TCEANC2: variants seen among roughly 807,000 people sequenced by gnomAD.
TCEANC2 encodes transcription elongation factor A N-terminal and central domain-containing protein 2.
In TCEANC2, 20 loss-of-function variants were observed where a neutral mutation model predicts 22.8. The observed-to-expected ratio is 0.88, with a 90% CI of 0.62 to 1.28. The LOEUF (loss-of-function observed/expected upper bound fraction) is 1.28, where lower values mean the gene tolerates loss of function less well. Ranked by LOEUF, TCEANC2 falls within the 50% of genes most tolerant of loss-of-function variation. TCEANC2 has a pLI of 0.00. For missense variants in TCEANC2, 251 were observed against 249.7 expected (o/e 1.01, Z -0.03); for synonymous variants, 84 against 95.5 (o/e 0.88, Z 0.70).
At chr1:54,055,360 A>G (rs1657732999) in intron 2 of TCEANC2, among the ~76,000 whole-genome samples, 1 of 152,248 alleles carries the variant, frequency 6.6e-6, no homozygotes, top group Non-Finnish European at 1.5e-5. Context: ...ATCAATCAAC[A>G]TAGTTACCCA....
In TCEANC2 at chr1:54,106,062, A is replaced by G. The variant is rs1323638026; in HGVS notation, c.*9589A>G. ...AATGAATGAATGTGGCTGTGTTCCA[A>G]TAAAACTTTATTTACAAAAACAGGT... is the stretch of plus-strand genomic sequence containing the variant. On this transcript the variant is annotated 3_prime_UTR_variant, in exon 5 of 5. Transcript: ENST00000234827. 2.0e-5 allele frequency: 3 copies of G among 152,224 alleles called. No homozygotes were observed. The highest frequency in any genetic ancestry group is 2.1e-4 in the South Asian group (1 of 4,830). The allele number at this position is 152,224 out of a possible 1,614,324, so 9.4% of individuals were successfully genotyped here.
At chr1:54,111,803 G>A (rs1658844655) in exon 5 of TCEANC2, 1 of 152,192 alleles carries the variant, frequency 6.6e-6, no homozygotes, top group South Asian at 2.1e-4. Context: ...ATCCCAGTCT[G>A]GACCGATTGG....
At chr1:54,106,981 T>C (rs943093348), downstream of TCEANC2, among the ~76,000 whole-genome samples, 1 of 152,232 alleles carries the variant, frequency 6.6e-6, no homozygotes, top group Non-Finnish European at 1.5e-5. Flanking sequence ...CTTACAATAG[T>C]GTGGTACATC....
chr1:54,096,790 A>G lies in TCEANC2; in HGVS notation c.*317A>G, dbSNP rs1360932376. ...CTGTGAATATGCCAAGGACACCTCT[A>G]AACTTCCCCCATGTCAGTCAGATGA... On this transcript the variant is annotated 3_prime_UTR_variant, in exon 5 of 5. Transcript: ENST00000234827. The surrounding 1 kb of genome is among the most constrained non-coding windows in gnomAD (Gnocchi z 4.9). The G allele has an allele frequency of 1.8e-5, 19 of 1,060,686 alleles. No homozygotes were observed. Among genetic ancestry groups the G allele is most frequent in the Non-Finnish European group, 2.2e-5 (19 of 877,888 alleles). The allele number at this position is 1,060,686 out of a possible 1,614,324, so 65.7% of individuals were successfully genotyped here. A position where few individuals can be genotyped will look rare whatever the true frequency, so the allele number is the denominator to read the frequency against.
At chr1:54,071,855 A>AGTGCAGT (rs1470900993) in intron 3 of TCEANC2, among the ~76,000 whole-genome samples, 3 of 151,744 alleles carry the variant, frequency 2.0e-5, no homozygotes, top group African/African-American at 7.3e-5. Context: ...TGTGTCACCC[A>AGTGCAGT]GGCTGAAGTG....
rs774452549 is a variant in TCEANC2, at chr1:54,104,817, C to T, written c.*8344C>T. ...TCAGCTTCCCAAAGTGCTGGGATTA[C>T]AGGCGTGAGCCACTGCGCCTGGCCC... On this transcript the variant is annotated 3_prime_UTR_variant, in exon 5 of 5. Transcript: ENST00000234827. 7.9e-6 allele frequency: 3 copies of T among 381,682 alleles called. No homozygotes were observed. Among genetic ancestry groups the T allele is most frequent in the Non-Finnish European group, 1.6e-5 (3 of 189,618 alleles). The allele number at this position is 381,682 out of a possible 1,614,324, so 23.6% of individuals were successfully genotyped here.
At chr1:54,080,146 C>CTT (rs869271204) in intron 3 of TCEANC2, among the ~76,000 whole-genome samples, 8 of 134,170 alleles carry the variant, frequency 6.0e-5, no homozygotes, top group South Asian at 2.4e-4. Flanking sequence ...AATTTTCTTT[C>CTT]TTTTTTTTTT....
intron 3 of TCEANC2, among the ~76,000 whole-genome samples, chr1:54,087,861 T>C (rs747643898): frequency 6.6e-6 from 1 of 152,256 alleles, no homozygotes; most frequent in Non-Finnish European, 1.5e-5. Context: ...TGTTTCTTCA[T>C]ACTACAATTT....
downstream of TCEANC2, among the ~76,000 whole-genome samples, chr1:54,109,730 G>T (rs780214973): frequency 3.3e-5 from 5 of 152,190 alleles, no homozygotes; most frequent in Non-Finnish European, 5.9e-5. Context: ...AGGAGGCCAA[G>T]CCCTCCCTCA....
In TCEANC2 at chr1:54,096,542, CT is replaced by C; in HGVS notation, c.*73del. ...GGCCTGTCTCTGCCGTTCAAAGACG[CT>C]TTTGAGTTTGGGTGATGGCTGATGC... On this transcript the variant is annotated 3_prime_UTR_variant, in exon 5 of 5. Transcript: ENST00000234827. This position sits in a 1 kb window ranked among gnomAD's most constrained non-coding sequence, Gnocchi z 4.9. 6.6e-7 allele frequency: 1 copy of C among 1,526,118 alleles called. No homozygotes were observed. Among genetic ancestry groups the C allele is most frequent in the Non-Finnish European group, 8.8e-7 (1 of 1,130,670 alleles). 94.5% of individuals were successfully genotyped at this position (1,526,118 alleles called of 1,614,324 possible).
downstream of TCEANC2, among the ~76,000 whole-genome samples, chr1:54,110,062 C>T (rs1451912390): frequency 6.6e-6 from 1 of 152,142 alleles, no homozygotes; most frequent in Non-Finnish European, 1.5e-5. Flanking sequence ...TCAAAATCAT[C>T]AAAGCCCCAA....
exon 5 of TCEANC2, chr1:54,111,913 T>A (rs1441876746): frequency 6.6e-6 from 1 of 152,284 alleles, no homozygotes; most frequent in Non-Finnish European, 1.5e-5. Flanking sequence ...AAGAGCCAAG[T>A]CAAAGATCAA....
Position 54,096,794 on chromosome 1 carries a change from T to G in TCEANC2, c.*321T>G, listed in dbSNP as rs1442686173. On this transcript the variant is annotated 3_prime_UTR_variant, in exon 5 of 5. Coordinates refer to ENST00000234827, the MANE Select transcript of TCEANC2 (RefSeq NM_153035.3). This position sits in a 1 kb window ranked among gnomAD's most constrained non-coding sequence, Gnocchi z 4.9. Reference sequence around the variant, plus strand: ...GAATATGCCAAGGACACCTCTAAACTTCCCCCATGTCAGTCAGATGAAGTT... The same window carrying G: ...GAATATGCCAAGGACACCTCTAAACGTCCCCCATGTCAGTCAGATGAAGTT... The G allele has an allele frequency of 2.9e-6, 3 of 1,045,844 alleles. No individual in the cohort carries two copies. The highest frequency in any genetic ancestry group is 7.3e-5 in the East Asian group (1 of 13,626). 64.8% of individuals were successfully genotyped at this position (1,045,844 alleles called of 1,614,324 possible).
chr1:54,057,122 C>T (rs1006862233), intron 2 of TCEANC2, among the ~76,000 whole-genome samples: 1 of 151,714 alleles, frequency 6.6e-6, no homozygotes. Flanking sequence ...AAACCTCTTC[C>T]TTGTTCTCCT....
In TCEANC2 at chr1:54,102,322, A is replaced by C. The variant is rs1220862369; in HGVS notation, c.*5849A>C. The C allele has an allele frequency of 6.6e-6, 1 of 152,182 alleles. No homozygotes were observed. The highest frequency in any genetic ancestry group is 2.4e-5 in the African/African-American group (1 of 41,434). The allele number at this position is 152,182 out of a possible 1,614,324, so 9.4% of individuals were successfully genotyped here. On this transcript the variant is annotated 3_prime_UTR_variant, in exon 5 of 5. Coordinates refer to ENST00000234827, the MANE Select transcript of TCEANC2 (RefSeq NM_153035.3). ...CCTGTGAAGTTTATGACAAGACCCT[A>C]CAGGAGAATCACAATGTAGACACCT...
At chr1:54,088,832 A>G in intron 4 of TCEANC2, 42 bp downstream of exon 4, 1 of 1,391,730 alleles carries the variant, frequency 7.2e-7, no homozygotes, top group Non-Finnish European at 9.5e-7. Context: ...ACCCATAATA[A>G]TTAATTTTTA....
At chr1:54,062,486 T>C (rs1657876685) in intron 2 of TCEANC2, among the ~76,000 whole-genome samples, 1 of 152,188 alleles carries the variant, frequency 6.6e-6, no homozygotes, top group East Asian at 1.9e-4. Context: ...AAGGTAGAAA[T>C]AGTTTTGTTC....
At chr1:54,074,771 T>G (rs1034393003) in intron 3 of TCEANC2, among the ~76,000 whole-genome samples, 1 of 152,174 alleles carries the variant, frequency 6.6e-6, no homozygotes, top group African/African-American at 2.4e-5. Context: ...TAGGACCGTT[T>G]CAAAAGTAAG....
chr1:54,110,332 C>G (rs1379926209), downstream of TCEANC2, among the ~76,000 whole-genome samples: 2 of 152,168 alleles, frequency 1.3e-5, no homozygotes, highest in Non-Finnish European at 2.9e-5. Context: ...GGTGTGGTGG[C>G]TCATGCCTGT....
Sources: gnomAD v4.1 joint callset for allele counts (sites outside exome capture counted in the v4.1 genomes callset) on GRCh38, gnomAD v4.1.1 for gene constraint, Gnocchi (gnomAD v3.1) non-coding constraint, MANE v1.5 for transcripts, NCBI Gene and HGNC (gene_info 2026-07-23, HGNC 2026-07-21) for gene names.